Variants in POU6F2 observed in about 807,000 individuals in gnomAD.
POU6F2 encodes the protein POU class 6 homeobox 2.
POU6F2 carries 31 observed loss-of-function variants against 71.3 expected under a neutral mutation model. The observed-to-expected ratio is 0.43, with a 90% CI of 0.33 to 0.59. The LOEUF is 0.59. POU6F2 is among the 20% of genes least tolerant of loss of function. The pLI, the probability that POU6F2 is intolerant of heterozygous loss-of-function variation, is 0.04. For missense variants in POU6F2, 783 were observed against 856.8 expected (o/e 0.91, Z 1.07); for synonymous variants, 347 against 355.7 (o/e 0.98, Z 0.27).
chr7:39,434,861 G>A (rs753864665), intron 7 of POU6F2, among the ~76,000 whole-genome samples: 7 of 151,962 alleles, frequency 4.6e-5, no homozygotes, highest in Non-Finnish European at 8.8e-5. Flanking sequence ...TCAACTCCCC[G>A]TTATGAGTGA....
intron 1 of POU6F2, among the ~76,000 whole-genome samples, chr7:39,041,227 G>A (rs1026874411): frequency 1.3e-5 from 2 of 152,006 alleles, no homozygotes; most frequent in Non-Finnish European, 1.5e-5. Flanking sequence ...CTGTTGCATC[G>A]ATGGAACCAT....
intron 2 of POU6F2, among the ~76,000 whole-genome samples, chr7:39,122,636 T>C (rs1792064085): frequency 6.6e-6 from 1 of 152,084 alleles, no homozygotes; most frequent in Non-Finnish European, 1.5e-5. Flanking sequence ...TATCTTAACC[T>C]GCTTACCTGC....
chr7:39,167,964 A>C (rs998859722), intron 2 of POU6F2, among the ~76,000 whole-genome samples: 2 of 152,062 alleles, frequency 1.3e-5, no homozygotes, highest in African/African-American at 2.4e-5. Context: ...AACTATTGCC[A>C]TATTTTTTTG....
chr7:39,006,971 C>T, intron 1 of POU6F2: 1 of 1,218,012 alleles, frequency 8.2e-7, no homozygotes. Flanking sequence ...TGTCATGTTT[C>T]CTTGAGTCAA....
intron 2 of POU6F2, among the ~76,000 whole-genome samples, chr7:39,111,832 T>C (rs964607282): frequency 7.2e-5 from 11 of 152,190 alleles, no homozygotes; most frequent in African/African-American, 2.6e-4. Flanking sequence ...GTATTTCCAA[T>C]ATCTGCAAAT....
At chr7:39,271,735 A>T (rs1441177114) in intron 4 of POU6F2, among the ~76,000 whole-genome samples, 1 of 152,160 alleles carries the variant, frequency 6.6e-6, no homozygotes, top group Non-Finnish European at 1.5e-5. Flanking sequence ...ATTTTCAAAC[A>T]TTATCTCTGC....
At chr7:39,040,580 G>A (rs1562682083) in intron 1 of POU6F2, among the ~76,000 whole-genome samples, 9 of 151,648 alleles carry the variant, frequency 5.9e-5, no homozygotes, top group African/African-American at 2.2e-4. Flanking sequence ...AAAACAACTG[G>A]AAAAAAATGT....
rs2116162713 is a variant in POU6F2 at position 39,460,591 on chromosome 7, G to A, written c.1534G>A (p.Glu512Lys). 1 of 1,613,506 alleles carries A rather than the reference G, an allele frequency of 6.2e-7. No homozygotes were observed. Among genetic ancestry groups the A allele is most frequent in the Non-Finnish European group, 8.5e-7 (1 of 1,179,740 alleles). ...TGAGGTGGATGGGGTTAATCTGGAG[G>A]AGATCCGAGAATTTGCCAAAGCTTT... ...AGEVDGVNLEEIREFAKAFKI... is the reference protein window; with the variant it reads ...AGEVDGVNLEKIREFAKAFKI... Residue 512 changes from glutamate to lysine, a missense_variant, in exon 9 of 10, where the codon GAG becomes AAG. Physicochemically the swap from Glu to Lys is moderately conservative, Grantham distance 56 (BLOSUM62 1). Transcript: ENST00000518318. This position sits in a 1 kb window ranked among gnomAD's most constrained non-coding sequence, Gnocchi z 4.4.
intron 4 of POU6F2, among the ~76,000 whole-genome samples, chr7:39,288,859 A>C (rs2128761566): frequency 6.6e-6 from 1 of 152,318 alleles, no homozygotes; most frequent in South Asian, 2.1e-4. Flanking sequence ...CTTCCACACC[A>C]GGTGCTCTTC....
rs747438586 is a variant in POU6F2 at position 39,397,477 on chromosome 7, GACAT to G, written c.973-9121_973-9118del. Reference sequence around the variant, plus strand: ...AGACATATATATAGACATAGAGAGAGACATATATATATATATATATATATACACA... The same window carrying G: ...AGACATATATATAGACATAGAGAGAGATATATATATATATATATATACACA... On this transcript the variant is annotated intron_variant, in intron 5 of 9. Coordinates refer to ENST00000518318, the MANE Select transcript of POU6F2 (RefSeq NM_001370959.1). Among the ~76,000 whole-genome samples the G allele has an allele frequency of 1.4e-3, 170 of 125,484 alleles. 1 individual carries two copies. Among genetic ancestry groups the G allele is most frequent in the African/African-American group, 4.0e-3 (141 of 35,258 alleles). The allele number at this position is 125,484 out of a possible 152,430, so 82.3% of individuals were successfully genotyped here. A position where few individuals can be genotyped will look rare whatever the true frequency, so the allele number is the denominator to read the frequency against.
intron 4 of POU6F2, among the ~76,000 whole-genome samples, chr7:39,227,246 T>C (rs1313450561): frequency 1.3e-5 from 2 of 152,234 alleles, no homozygotes; most frequent in Admixed American, 1.3e-4. Flanking sequence ...TTAGGATAGA[T>C]TGCTTAGAAC....
At chr7:39,406,435 C>T (rs1255444088) in intron 5 of POU6F2, 165 bp from the exon 6 acceptor site, 2 of 719,282 alleles carry the variant, frequency 2.8e-6, no homozygotes, top group Non-Finnish European at 4.5e-6. Context: ...CATCCCCCTA[C>T]CCCAGAGCTT....
chr7:39,113,221 T>C (rs186312918), intron 2 of POU6F2, among the ~76,000 whole-genome samples: 1 of 152,318 alleles, frequency 6.6e-6, no homozygotes, highest in Admixed American at 6.5e-5. Context: ...TCTGTTTTTT[T>C]CGTTCTGTTT....
At chr7:39,196,180 C>T (rs1009024292) in intron 2 of POU6F2, among the ~76,000 whole-genome samples, 17 of 152,116 alleles carry the variant, frequency 1.1e-4, no homozygotes, top group African/African-American at 3.9e-4. Flanking sequence ...GTAGTGAAAG[C>T]GAAACACTGT....
chr7:39,398,119 A>G lies in POU6F2; in HGVS notation c.973-8481A>G, dbSNP rs551646353. ...AATATTAAAGAGTGAAGCTCCCACTATGTTCTCAGTCAGGTAGAGAGATTT... is the reference window on the plus strand; with the variant it reads ...AATATTAAAGAGTGAAGCTCCCACTGTGTTCTCAGTCAGGTAGAGAGATTT... On this transcript the variant is annotated intron_variant, in intron 5 of 9. Transcript: ENST00000518318. Among the ~76,000 whole-genome samples the G allele has an allele frequency of 2.3e-3, 351 of 152,158 alleles. 3 individuals carry two copies. Among genetic ancestry groups the G allele is most frequent in the African/African-American group, 8.2e-3 (342 of 41,492 alleles).
chr7:39,411,988 A>G (rs995972618), intron 6 of POU6F2, among the ~76,000 whole-genome samples: 4 of 152,214 alleles, frequency 2.6e-5, no homozygotes, highest in Non-Finnish European at 4.4e-5. Flanking sequence ...GTTCAGATGG[A>G]GATGTTGCTC....
chr7:39,263,238 T>C (rs910757910), intron 4 of POU6F2, among the ~76,000 whole-genome samples: 2 of 152,222 alleles, frequency 1.3e-5, no homozygotes, highest in Admixed American at 6.5e-5. Flanking sequence ...TTTTCAGTAT[T>C]AAAATAAAAT....
chr7:39,339,064 G>A lies in POU6F2; in HGVS notation c.599-578G>A, dbSNP rs1328259869. Among the ~76,000 whole-genome samples, 8 of 141,868 alleles carry A rather than the reference G, an allele frequency of 5.6e-5. No homozygotes were observed. In the East Asian group the frequency reaches 1.5e-3, roughly 27 times the overall value. The allele number at this position is 141,868 out of a possible 152,430, so 93.1% of individuals were successfully genotyped here. ...TTGACCCTGCAAAATGGAGAAGCAT[G>A]TACTGCTTTTGAATTTTTAAAAAAA... is the stretch of plus-strand genomic sequence containing the variant. On this transcript the variant is annotated intron_variant, in intron 4 of 9. Transcript: ENST00000518318.
At chr7:39,168,702 C>G (rs1793160538) in intron 2 of POU6F2, among the ~76,000 whole-genome samples, 1 of 152,130 alleles carries the variant, frequency 6.6e-6, no homozygotes, top group South Asian at 2.1e-4. Flanking sequence ...TAATACAAGA[C>G]AGTGGAAAAT....
Sources: gnomAD v4.1 joint callset for allele counts (sites outside exome capture counted in the v4.1 genomes callset) on GRCh38, gnomAD v4.1.1 for gene constraint, Gnocchi (gnomAD v3.1) non-coding constraint, MANE v1.5 for transcripts, NCBI Gene and HGNC (gene_info 2026-07-23, HGNC 2026-07-21) for gene names.